The following PGAP4 variants were observed in gnomAD, a reference collection of about 807,000 sequenced individuals.
PGAP4 encodes the protein post-GPI attachment to proteins GalNAc transferase 4, also known as GPI-N-acetylgalactosamine transferase PGAP4.
A neutral mutation model predicts 28.2 loss-of-function variants in PGAP4; 12 were observed. The ratio of observed to expected loss-of-function variants is 0.42; its 90% CI spans 0.27 to 0.69. PGAP4 has a LOEUF of 0.69. Ranked by LOEUF, PGAP4 falls within the 30% of genes least tolerant of loss-of-function variation. The pLI, the probability that PGAP4 is intolerant of heterozygous loss-of-function variation, is 0.22. For missense variants in PGAP4, 425 were observed against 513.5 expected (o/e 0.83, Z 1.67); for synonymous variants, 205 against 211.8 (o/e 0.97, Z 0.28).
In PGAP4 at chr9:101,487,122, C is replaced by G. The variant is rs1483357159; in HGVS notation, c.-251G>C. 1.3e-5 allele frequency: 2 copies of G among 152,252 alleles called. No homozygotes were observed. Among genetic ancestry groups the G allele is most frequent in the South Asian group, 4.1e-4 (2 of 4,832 alleles). The allele number at this position is 152,252 out of a possible 1,614,324, so 9.4% of individuals were successfully genotyped here. On this transcript the variant is annotated 5_prime_UTR_variant, in exon 1 of 2. Coordinates refer to ENST00000374848, the MANE Select transcript of PGAP4 (RefSeq NM_032342.3). Reference sequence around the variant, plus strand: ...ACCTCCTCCCGCCTCGCAGCTCAGGCGCAGGGCTCCCCTTGCTCAGGCGGG... The same window carrying G: ...ACCTCCTCCCGCCTCGCAGCTCAGGGGCAGGGCTCCCCTTGCTCAGGCGGG...
chr9:101,499,660 A>G (rs1024118104), intron 2 of PGAP4, among the ~76,000 whole-genome samples: 6 of 152,178 alleles, frequency 3.9e-5, no homozygotes, highest in Admixed American at 1.3e-4. Flanking sequence ...TAAGGTTGCA[A>G]TGGCCTTTGT....
At chr9:101,514,622 A>G (rs1826927873) in intron 2 of PGAP4, among the ~76,000 whole-genome samples, 1 of 152,058 alleles carries the variant, frequency 6.6e-6, no homozygotes, top group African/African-American at 2.4e-5. Flanking sequence ...ATTTCCCACC[A>G]GTGTGTGTTT....
intron 2 of PGAP4, among the ~76,000 whole-genome samples, chr9:101,514,648 C>CTAT (rs1197914734): frequency 6.6e-6 from 1 of 152,012 alleles, no homozygotes; most frequent in Non-Finnish European, 1.5e-5. Context: ...TATTGAAATG[C>CTAT]TATGGCTTTT....
chr9:101,517,640 G>T (rs1287466668), intron 2 of PGAP4, among the ~76,000 whole-genome samples: 1 of 152,114 alleles, frequency 6.6e-6, no homozygotes, highest in Non-Finnish European at 1.5e-5. Flanking sequence ...TTGTTGGGTT[G>T]GGGGAGGCAA....
At chr9:101,509,053 G>T (rs1826874032) in intron 2 of PGAP4, among the ~76,000 whole-genome samples, 1 of 152,196 alleles carries the variant, frequency 6.6e-6, no homozygotes. Flanking sequence ...GTCACTTGCA[G>T]TGTCAAGCAG....
intron 1 of PGAP4, among the ~76,000 whole-genome samples, chr9:101,478,797 C>T (rs1826399865): frequency 1.3e-5 from 2 of 152,194 alleles, no homozygotes; most frequent in Non-Finnish European, 2.9e-5. Flanking sequence ...GATGTCCCTT[C>T]CGCTGCCCAC....
rs369931986 is a variant in PGAP4 at position 101,506,941 on chromosome 9, C to T, written c.-164-17741G>A. 3.9e-5 allele frequency among the ~76,000 whole-genome samples: 6 copies of T among 152,218 alleles called. No individual in the cohort carries two copies. In the East Asian group the frequency reaches 5.8e-4, roughly 15 times the overall value. ...CAAACCTTTAACAGGATAGTTATTT[C>T]CCATTTTCCCGTGGTTCCAAACCCT... is the stretch of plus-strand genomic sequence containing the variant. On this transcript the variant is annotated intron_variant, in intron 2 of 3. Coordinates refer to the PGAP4 transcript ENST00000374851.
intron 2 of PGAP4, among the ~76,000 whole-genome samples, chr9:101,497,343 A>T (rs534703497): frequency 6.6e-6 from 1 of 151,754 alleles, no homozygotes; most frequent in South Asian, 2.1e-4. Context: ...AACAATTTTT[A>T]TGACGTGTAA....
chr9:101,522,218 C>A (rs1391317605), intron 2 of PGAP4, among the ~76,000 whole-genome samples: 3 of 152,128 alleles, frequency 2.0e-5, no homozygotes, highest in African/African-American at 7.2e-5. Flanking sequence ...CTGTATATAT[C>A]TTTTAAGTCC....
chr9:101,498,497 ATT>A lies in PGAP4; in HGVS notation c.-164-9299_-164-9298del, dbSNP rs545003386. Among the ~76,000 whole-genome samples, 206 of 144,426 alleles carry A rather than the reference ATT, an allele frequency of 1.4e-3. 1 individual carries two copies. Among genetic ancestry groups the A allele is most frequent in the African/African-American group, 4.5e-3 (180 of 39,580 alleles). The allele number at this position is 144,426 out of a possible 152,430, so 94.7% of individuals were successfully genotyped here. ...CCGTTAATATGGTAGCCCTTTAAGA[ATT>A]TTTTTTTTTTTTTTAATCTTGGCTG... is the stretch of plus-strand genomic sequence containing the variant. On this transcript the variant is annotated intron_variant, in intron 2 of 3. Transcript: ENST00000374851.
chr9:101,489,049 A>G (rs1373394947), upstream of PGAP4: 2 of 152,184 alleles, frequency 1.3e-5, no homozygotes, highest in African/African-American at 4.8e-5. Context: ...TACTGTCCTG[A>G]GTGCTTTTTA....
At chr9:101,509,245 C>T (rs1021663796) in intron 2 of PGAP4, among the ~76,000 whole-genome samples, 49 of 152,200 alleles carry the variant, frequency 3.2e-4, no homozygotes, top group Admixed American at 2.9e-3. Context: ...CTCAGTCTCT[C>T]TCAAAGTCTC....
At chr9:101,499,438 C>CA in intron 2 of PGAP4, among the ~76,000 whole-genome samples, 1 of 151,824 alleles carries the variant, frequency 6.6e-6, no homozygotes, top group Middle Eastern at 3.4e-3. Context: ...GGGAATAGAA[C>CA]ATTGCAGTGG....
rs192936997 is a variant in PGAP4, at chr9:101,526,081, A to G, written c.-165+5267T>C. ...TTATAAAAGGACAGTTTTCATAAGA[A>G]GAAAAAAATACAAAACAAGATGTTC... On this transcript the variant is annotated intron_variant, in intron 2 of 3. Transcript: ENST00000374851. Among the ~76,000 whole-genome samples the G allele has an allele frequency of 4.6e-5, 7 of 152,344 alleles. No homozygotes were observed. The East Asian group carries it at 1.4e-3, about 29-fold the overall frequency.
intron 2 of PGAP4, among the ~76,000 whole-genome samples, chr9:101,530,568 C>G (rs1339524477): frequency 6.6e-6 from 1 of 152,080 alleles, no homozygotes; most frequent in Non-Finnish European, 1.5e-5. Flanking sequence ...CTTATTTTTC[C>G]AGGGATATTC....
rs376077475 is a variant in PGAP4, at chr9:101,492,606, T to C, written c.-164-3406A>G. On this transcript the variant is annotated intron_variant, in intron 2 of 3. Coordinates refer to the PGAP4 transcript ENST00000374851. ...CATTTTCCTGAAGATTGTTGGGTTT[T>C]TTTTCTAGTAGGCAGTTTGACTTGC... is the stretch of plus-strand genomic sequence containing the variant. Among the ~76,000 whole-genome samples, 125 of 152,294 alleles carry C rather than the reference T, an allele frequency of 8.2e-4. 1 individual carries two copies. Among genetic ancestry groups the C allele is most frequent in the African/African-American group, 2.8e-3 (117 of 41,568 alleles).
intron 2 of PGAP4, among the ~76,000 whole-genome samples, chr9:101,522,332 T>C (rs1826996043): frequency 6.6e-6 from 1 of 152,198 alleles, no homozygotes; most frequent in Admixed American, 6.5e-5. Context: ...CCTACTATTA[T>C]TATGTTGCTG....
At chr9:101,514,148 T>G (rs74867375) in intron 2 of PGAP4, among the ~76,000 whole-genome samples, 1,591 of 152,204 alleles carry the variant, frequency 0.01, 13 homozygotes, top group South Asian at 0.04. Flanking sequence ...CCAGAGGTAA[T>G]GCTATACCAG....
chr9:101,481,285 T>C (rs1414741567), intron 1 of PGAP4: 1 of 152,108 alleles, frequency 6.6e-6, no homozygotes, highest in African/African-American at 2.4e-5. Context: ...GGGAAGGAGT[T>C]TTTTTACTCC....
Sources: gnomAD v4.1 joint callset for allele counts (sites outside exome capture counted in the v4.1 genomes callset) on GRCh38, gnomAD v4.1.1 for gene constraint, MANE v1.5 for transcripts, NCBI Gene and HGNC (gene_info 2026-07-23, HGNC 2026-07-21) for gene names.